Variants in C1QL2 observed in about 807,000 individuals in gnomAD.
C1QL2 encodes complement C1q-like protein 2.
A neutral mutation model predicts 16.6 loss-of-function variants in C1QL2; 13 were observed. The observed-to-expected ratio is 0.78, with a 90% CI of 0.51 to 1.25. The LOEUF is 1.25. C1QL2 is among the 50% of genes most tolerant of loss of function. The pLI, the probability that C1QL2 is intolerant of heterozygous loss-of-function variation, is 0.00. For missense variants in C1QL2, 396 were observed against 409.6 expected (o/e 0.97, Z 0.29); for synonymous variants, 210 against 183.2 (o/e 1.15, Z -1.18).
At position 119,156,659 on chromosome 2, in the gene C1QL2, G is replaced by A; in HGVS notation, c.*143C>T. The A allele has an allele frequency of 1.0e-6, 1 of 976,428 alleles. No homozygotes were observed. Among genetic ancestry groups the A allele is most frequent in the Non-Finnish European group, 1.5e-6 (1 of 680,788 alleles). The allele number at this position is 976,428 out of a possible 1,614,324, so 60.5% of individuals were successfully genotyped here. A position where few individuals can be genotyped will look rare whatever the true frequency, so the allele number is the denominator to read the frequency against. The stretch of plus-strand genomic sequence containing the variant: ...TCGCAGACGCACTGAGGCCAGGAGC[G>A]GGGCAGGGAGGACGCAGGGATTTGT... On this transcript the variant is annotated 3_prime_UTR_variant, in exon 2 of 2. Coordinates refer to ENST00000272520, the MANE Select transcript of C1QL2 (RefSeq NM_182528.4).
Position 119,158,351 on chromosome 2 carries a change from C to T in C1QL2, c.-82G>A, listed in dbSNP as rs1298866977. 1 of 1,208,240 alleles carries T rather than the reference C, an allele frequency of 8.3e-7. No individual in the cohort carries two copies. Among genetic ancestry groups the T allele is most frequent in the Non-Finnish European group, 1.0e-6 (1 of 952,464 alleles). The allele number at this position is 1,208,240 out of a possible 1,614,324, so 74.8% of individuals were successfully genotyped here. Reference sequence around the variant, plus strand: ...GGGAGGCGACCGCCACCAGCTCCTCCTTGCCGCCCGGGGAGGTAATGGTGG... The same window carrying T: ...GGGAGGCGACCGCCACCAGCTCCTCTTTGCCGCCCGGGGAGGTAATGGTGG... On this transcript the variant is annotated 5_prime_UTR_variant, in exon 1 of 2. Transcript: ENST00000272520.
Position 119,158,153 on chromosome 2 carries a change from C to T in C1QL2, c.117G>A (p.Ala39=), listed in dbSNP as rs904193888. Residue 39 remains alanine, a synonymous_variant, in exon 1 of 2, where the codon GCG becomes GCA. Coordinates refer to ENST00000272520, the MANE Select transcript of C1QL2 (RefSeq NM_182528.4). ...TTGCACCCGGGGGCTCCCCGCCGGGCGCGGCAGTGTAAGGGTCGCAGATCA... is the reference window on the plus strand; with the variant it reads ...TTGCACCCGGGGGCTCCCCGCCGGGTGCGGCAGTGTAAGGGTCGCAGATCA... ...CRMICDPYTA[A]PGGEPPGAKA... The T allele has an allele frequency of 1.9e-6, 3 of 1,568,568 alleles. No individual in the cohort carries two copies. The highest frequency in any genetic ancestry group is 2.8e-5 in the African/African-American group (2 of 71,196).
chr2:119,158,554 C>T lies in C1QL2; in HGVS notation c.-285G>A, dbSNP rs1678006492. The T allele has an allele frequency of 4.5e-6, 1 of 222,968 alleles. No homozygotes were observed. The highest frequency in any genetic ancestry group is 8.8e-6 in the Non-Finnish European group (1 of 113,156). The allele number at this position is 222,968 out of a possible 1,614,324, so 13.8% of individuals were successfully genotyped here. A position where few individuals can be genotyped will look rare whatever the true frequency, so the allele number is the denominator to read the frequency against. ...GTCGGGAGAGCCGCGGACGCCCGCG[C>T]GCATGACGTGGGGCACACAAGACGA... On this transcript the variant is annotated 5_prime_UTR_variant, in exon 1 of 2. Transcript: ENST00000272520.
rs539104830 is a variant in C1QL2, at chr2:119,157,255, A to G, written c.685-274T>C. On this transcript the variant is annotated intron_variant, in intron 1 of 1. Coordinates refer to ENST00000272520, the MANE Select transcript of C1QL2 (RefSeq NM_182528.4). ...AGCCAGGGGCCAGGGCCAAGAGGAA[A>G]GGAGGCTGCAGGGCAAGGGGGCGAC... is the stretch of plus-strand genomic sequence containing the variant. Among the ~76,000 whole-genome samples the G allele has an allele frequency of 7.2e-4, 110 of 152,222 alleles. 1 individual carries two copies. The highest frequency in any genetic ancestry group is 1.2e-3 in the Non-Finnish European group (84 of 68,036).
Position 119,158,230 on chromosome 2 carries a change from G to A in C1QL2, c.40C>T (p.Gln14Ter). The A allele has an allele frequency of 6.4e-7, 1 of 1,573,020 alleles. No individual in the cohort carries two copies. The highest frequency in any genetic ancestry group is 8.6e-7 in the Non-Finnish European group (1 of 1,164,328). ...GLLIAVPLLL[Q>*]AAPRGAAHYE... Reference sequence around the variant, plus strand: ...TGCGCGGCGCCTCGGGGCGCCGCCTGCAGCAGCAGCGGCACGGCGATGAGC... The same window carrying A: ...TGCGCGGCGCCTCGGGGCGCCGCCTACAGCAGCAGCGGCACGGCGATGAGC... Residue 14 changes from glutamine (Q) to a stop codon, truncating the protein, a stop_gained, in exon 1 of 2, where the codon CAG (glutamine) becomes TAG (stop). Coordinates refer to ENST00000272520, the MANE Select transcript of C1QL2 (RefSeq NM_182528.4). LOFTEE classifies it high-confidence loss of function.
rs557946233 is a variant in C1QL2 at position 119,158,370 on chromosome 2, ATGG to A, written c.-104_-102del. 9.5e-7 allele frequency: 1 copy of A among 1,056,424 alleles called. No homozygotes were observed. The highest frequency in any genetic ancestry group is 1.7e-5 in the African/African-American group (1 of 59,906). The allele number at this position is 1,056,424 out of a possible 1,614,324, so 65.4% of individuals were successfully genotyped here. On this transcript the variant is annotated 5_prime_UTR_variant, in exon 1 of 2. Transcript: ENST00000272520. Reference sequence around the variant, plus strand: ...CTCCTCCTTGCCGCCCGGGGAGGTAATGGTGGGGCGGCGCGGGCGGCCCCGCTC... The same window carrying A: ...CTCCTCCTTGCCGCCCGGGGAGGTAATGGGGCGGCGCGGGCGGCCCCGCTC...
In C1QL2 at chr2:119,158,099, G is replaced by T. The variant is rs564432703; in HGVS notation, c.171C>A (p.Ala57=). Residue 57 remains alanine (A), a synonymous_variant, in exon 1 of 2, where the codon GCC becomes GCA. Transcript: ENST00000272520. ...TGAGGTCCTGCATGACTTCCAGGGC[G>T]GCGGTGCTGGGTCCGGGTGGCTGCG... ...AKAQPPGPST[A]ALEVMQDLSA... The T allele has an allele frequency of 4.8e-4, 740 of 1,529,650 alleles. 2 individuals are homozygous for T. The highest frequency in any genetic ancestry group is 4.1e-3 in the African/African-American group (289 of 69,830). The allele number at this position is 1,529,650 out of a possible 1,614,324, so 94.8% of individuals were successfully genotyped here.
intron 1 of C1QL2, 22 bp downstream of exon 1, chr2:119,157,564 G>C (rs754626947): frequency 1.2e-6 from 2 of 1,612,528 alleles, no homozygotes; most frequent in Non-Finnish European, 1.7e-6. Flanking sequence ...TACGGGGGCC[G>C]GTGAGTGTAG....
Position 119,158,038 on chromosome 2 carries a change from T to G in C1QL2, c.232A>C (p.Lys78Gln). Residue 78 changes from lysine to glutamine, a missense_variant, in exon 1 of 2, where the codon AAG (lysine) becomes CAG (glutamine). Transcript: ENST00000272520. ...NPPPPFIQGP[K>Q]GDPGRPGKPG... ...TTGCCCGGTCGCCCCGGGTCGCCCT[T>G]GGGTCCCTGGATGAAAGGAGGAGGA... 5.2e-6 allele frequency: 8 copies of G among 1,529,588 alleles called. No homozygotes were observed. The highest frequency in any genetic ancestry group is 7.0e-6 in the Non-Finnish European group (8 of 1,138,658). The allele number at this position is 1,529,588 out of a possible 1,614,324, so 94.8% of individuals were successfully genotyped here.
Position 119,158,304 on chromosome 2 carries a change from C to A in C1QL2, c.-35G>T, listed in dbSNP as rs1678001759. On this transcript the variant is annotated 5_prime_UTR_variant, in exon 1 of 2. Transcript: ENST00000272520. ...TACGCCGACGGCCGCCAGGCAGGCA[C>A]GCCGCCGCCGCTGCCACAGCCGGGA... The A allele has an allele frequency of 7.4e-7, 1 of 1,342,640 alleles. No individual in the cohort carries two copies. The highest frequency in any genetic ancestry group is 9.5e-7 in the Non-Finnish European group (1 of 1,053,822). The allele number at this position is 1,342,640 out of a possible 1,614,324, so 83.2% of individuals were successfully genotyped here. A position where few individuals can be genotyped will look rare whatever the true frequency, so the allele number is the denominator to read the frequency against.
chr2:119,158,385 G>A lies in C1QL2; in HGVS notation c.-116C>T. ...CGGGGAGGTAATGGTGGGGCGGCGC[G>A]GGCGGCCCCGCTCCCCGCGCTCGGG... On this transcript the variant is annotated 5_prime_UTR_variant, in exon 1 of 2. Transcript: ENST00000272520. 3 of 915,072 alleles carry A rather than the reference G, an allele frequency of 3.3e-6. No individual in the cohort carries two copies. Among genetic ancestry groups the A allele is most frequent in the South Asian group, 4.9e-5 (1 of 20,328 alleles). 56.7% of individuals were successfully genotyped at this position (915,072 alleles called of 1,614,324 possible).
At chr2:119,157,098 C>G in intron 1 of C1QL2, 117 bp from the exon 2 acceptor site, 1 of 1,166,592 alleles carries the variant, frequency 8.6e-7, no homozygotes, top group Non-Finnish European at 1.2e-6. Flanking sequence ...GTCCACACTC[C>G]CACCCCAGCT....
rs1291641720 is a variant in C1QL2, at chr2:119,156,572, G to A, written c.*230C>T. On this transcript the variant is annotated 3_prime_UTR_variant, in exon 2 of 2. Transcript: ENST00000272520. ...GTGCCGCCGCCTCAAGGGCTCGGGC[G>A]TCCCTTCCTCCCTTGCCGGGATGGG... The A allele has an allele frequency of 1.7e-5, 9 of 519,552 alleles. No homozygotes were observed. In the Admixed American group the frequency reaches 2.8e-4, roughly 16 times the overall value. The allele number at this position is 519,552 out of a possible 1,614,324, so 32.2% of individuals were successfully genotyped here.
In C1QL2 at chr2:119,157,523, C is replaced by A. The variant is rs1266747024; in HGVS notation, c.684+63G>T. The A allele has an allele frequency of 2.2e-5, 34 of 1,562,786 alleles. No homozygotes were observed. In the East Asian group the frequency reaches 7.9e-4, roughly 36 times the overall value. On this transcript the variant is annotated intron_variant, in intron 1 of 1. Transcript: ENST00000272520. The stretch of plus-strand genomic sequence containing the variant: ...CGGGTGGAGAGAAAGGAGGCTGGTT[C>A]CCTGGGAGGTTCAGGGCGCGGGCGA...
At position 119,156,918 on chromosome 2, in the gene C1QL2, C is replaced by G. The variant is rs1677970999; in HGVS notation, c.748G>C (p.Val250Leu). Residue 250 changes from valine to leucine, a missense_variant, in exon 2 of 2, where the codon GTG (valine) becomes CTG (leucine). Val to Leu is a conservative substitution (Grantham distance 32, BLOSUM62 1). Around this residue, in one of 2 missense-constraint regions of C1QL2, gnomAD observed 43 missense variants for 74.8 expected, o/e 0.57. Transcript: ENST00000272520. ...QNYDYASNSV[V>L]LHLDSGDEVY... is the part of the protein sequence containing the mutation. ...TCGTCCCCTGAATCCAAGTGCAGCA[C>G]CACGCTGTTACTGGCGTAGTCGTAG... 6.2e-7 allele frequency: 1 copy of G among 1,613,976 alleles called. No individual in the cohort carries two copies. The highest frequency in any genetic ancestry group is 8.5e-7 in the Non-Finnish European group (1 of 1,179,952).
In C1QL2 at chr2:119,158,583, CG is replaced by C. The variant is rs1241031078; in HGVS notation, c.-315del. Reference sequence around the variant, plus strand: ...TGACGTGGGGCACACAAGACGAATCCGGCGCCCCGAGGGTCCGGCGCCGGCC... The same window carrying C: ...TGACGTGGGGCACACAAGACGAATCCGCGCCCCGAGGGTCCGGCGCCGGCC... On this transcript the variant is annotated 5_prime_UTR_variant, in exon 1 of 2. Coordinates refer to ENST00000272520, the MANE Select transcript of C1QL2 (RefSeq NM_182528.4). 1 of 184,566 alleles carries C rather than the reference CG, an allele frequency of 5.4e-6. No homozygotes were observed. The highest frequency in any genetic ancestry group is 1.1e-5 in the Non-Finnish European group (1 of 88,704). The allele number at this position is 184,566 out of a possible 1,614,324, so 11.4% of individuals were successfully genotyped here.
In C1QL2 at chr2:119,158,241, G is replaced by A. The variant is rs750958577; in HGVS notation, c.29C>T (p.Pro10Leu). The change falls in exon 1 of 2, where the codon CCG (proline) becomes CTG (leucine). Residue 10 changes from proline to leucine, a missense_variant. By Grantham distance (98) the Pro-to-Leu change is moderately conservative. Transcript: ENST00000272520. ...TCGGGGCGCCGCCTGCAGCAGCAGCGGCACGGCGATGAGCAGCCCGAGCGC... is the reference window on the plus strand; with the variant it reads ...TCGGGGCGCCGCCTGCAGCAGCAGCAGCACGGCGATGAGCAGCCCGAGCGC... The part of the protein sequence containing the change: MALGLLIAV[P>L]LLLQAAPRGA... The A allele has an allele frequency of 1.8e-5, 29 of 1,571,234 alleles. No homozygotes were observed. In the African/African-American group the frequency reaches 3.8e-4, roughly 21 times the overall value.
intron 1 of C1QL2, among the ~76,000 whole-genome samples, chr2:119,157,225 G>C (rs145749819): frequency 5.1e-4 from 78 of 152,348 alleles, no homozygotes; most frequent in African/African-American, 1.7e-3. Context: ...GAGTGGAAGG[G>C]TGGGAGCCAG....
chr2:119,158,279 TACGCCGACGGCCGCCAGGCAGGC>T lies in C1QL2; in HGVS notation c.-33_-11del, dbSNP rs1164694204. On this transcript the variant is annotated 5_prime_UTR_variant, in exon 1 of 2. Transcript: ENST00000272520. ...GCAGCCCGAGCGCCATGGCCAAGAGTACGCCGACGGCCGCCAGGCAGGCACGCCGCCGCCGCTGCCACAGCCGG... is the reference window on the plus strand; with the variant it reads ...GCAGCCCGAGCGCCATGGCCAAGAGTACGCCGCCGCCGCTGCCACAGCCGG... The T allele has an allele frequency of 4.2e-6, 6 of 1,431,414 alleles. No individual in the cohort carries two copies. Among genetic ancestry groups the T allele is most frequent in the Non-Finnish European group, 5.4e-6 (6 of 1,102,282 alleles). The allele number at this position is 1,431,414 out of a possible 1,614,324, so 88.7% of individuals were successfully genotyped here. A position where few individuals can be genotyped will look rare whatever the true frequency, so the allele number is the denominator to read the frequency against.
Sources: gnomAD v4.1 joint callset for allele counts (sites outside exome capture counted in the v4.1 genomes callset) on GRCh38, gnomAD v4.1.1 for gene constraint, gnomAD v4.1.1 regional missense constraint, MANE v1.5 for transcripts, NCBI Gene and HGNC (gene_info 2026-07-23, HGNC 2026-07-21) for gene names.